The following IP6K1 variants were observed in gnomAD, a reference collection of about 807,000 sequenced individuals.
IP6K1 encodes inositol hexakisphosphate kinase 1.
Under a neutral mutation model 38.3 loss-of-function variants are expected in IP6K1, and 13 were observed. The ratio of observed to expected loss-of-function variants is 0.34; its 90% CI spans 0.22 to 0.54. IP6K1 has a LOEUF of 0.54. IP6K1 is among the 20% of genes least tolerant of loss of function. The pLI, the probability that IP6K1 is intolerant of heterozygous loss-of-function variation, is 0.92. For synonymous variants in IP6K1, 212 were observed against 229.9 expected, an observed-to-expected ratio of 0.92 and a Z score of 0.70; for missense variants, 397 against 599.8, an observed-to-expected ratio of 0.66 and a Z score of 3.53.
intron 1 of IP6K1, among the ~76,000 whole-genome samples, chr3:49,773,174 T>C (rs1005808269): frequency 6.6e-6 from 1 of 152,194 alleles, no homozygotes; most frequent in Non-Finnish European, 1.5e-5. Context: ...AAAGTAATAC[T>C]GTAAACAGTC....
rs1337480670 is a variant in IP6K1 at position 49,738,119 on chromosome 3, C to A, written c.434+93G>T. 4.1e-5 allele frequency: 43 copies of A among 1,039,418 alleles called. No homozygotes were observed. In the South Asian group the frequency reaches 5.7e-4, roughly 14 times the overall value. The allele number at this position is 1,039,418 out of a possible 1,614,324, so 64.4% of individuals were successfully genotyped here. A position where few individuals can be genotyped will look rare whatever the true frequency, so the allele number is the denominator to read the frequency against. On this transcript the variant is annotated intron_variant, in intron 3 of 5. Transcript: ENST00000321599. ...CAAGAACACCAGTCATCTTATCCAA[C>A]CTTGACTGTGAGCCCTGCTTCCCCA...
intron 1 of IP6K1, among the ~76,000 whole-genome samples, chr3:49,774,421 A>AG (rs1178691206): frequency 1.3e-5 from 2 of 148,462 alleles, no homozygotes; most frequent in African/African-American, 5.2e-5. Context: ...AAAAAAAAAA[A>AG]AAAAAAAAGA....
chr3:49,750,523 C>G (rs993724895), intron 1 of IP6K1, among the ~76,000 whole-genome samples: 18 of 151,898 alleles, frequency 1.2e-4, no homozygotes, highest in African/African-American at 4.4e-4. Context: ...GGCGAAACCC[C>G]GTCTCTTCTA....
Position 49,751,487 on chromosome 3 carries a change from T to C in IP6K1, c.-128-3319A>G, listed in dbSNP as rs545695573. On this transcript the variant is annotated intron_variant, in intron 1 of 5. Coordinates refer to ENST00000321599, the MANE Select transcript of IP6K1 (RefSeq NM_153273.4). The stretch of plus-strand genomic sequence containing the variant: ...GACTTTTTTTTTTATCAACCAGAGG[T>C]TACTCCTGAAGTCTGGTGTCCACAG... Among the ~76,000 whole-genome samples the C allele has an allele frequency of 2.0e-5, 3 of 151,944 alleles. No homozygotes were observed. The South Asian group carries it at 6.3e-4, about 32-fold the overall frequency.
At chr3:49,784,848 G>A (rs989986649) in intron 1 of IP6K1, among the ~76,000 whole-genome samples, 2 of 152,070 alleles carry the variant, frequency 1.3e-5, no homozygotes, top group Non-Finnish European at 1.5e-5. Flanking sequence ...GGGAGGCTGA[G>A]GCAGGAAAAT....
intron 4 of IP6K1, among the ~76,000 whole-genome samples, chr3:49,728,684 T>C (rs986018051): frequency 7.2e-5 from 11 of 151,908 alleles, no homozygotes; most frequent in African/African-American, 2.7e-4. Flanking sequence ...CAAGCTATTC[T>C]CCTGCCTCGG....
Position 49,747,811 on chromosome 3 carries a change from G to A in IP6K1, c.223+7C>T, listed in dbSNP as rs377039680. 32 of 1,613,934 alleles carry A rather than the reference G, an allele frequency of 2.0e-5. No individual in the cohort carries two copies. Among genetic ancestry groups the A allele is most frequent in the Middle Eastern group, 3.3e-4 (2 of 6,080 alleles). ...TGCTGCTTTCATTAAACTGGCCAGT[G>A]ACTGACCTTTGTATTCAGGGGTGAA... On this transcript the variant is annotated splice_region_variant and intron_variant, in intron 2 of 5. Transcript: ENST00000321599.
At chr3:49,777,640 C>T (rs574508351) in intron 1 of IP6K1, among the ~76,000 whole-genome samples, 2 of 151,920 alleles carry the variant, frequency 1.3e-5, no homozygotes, top group East Asian at 3.9e-4. Context: ...AAGGGCCAGG[C>T]GTGGTGGCTC....
At chr3:49,747,672 C>T in intron 2 of IP6K1, 146 bp downstream of exon 2, 1 of 1,023,472 alleles carries the variant, frequency 9.8e-7, no homozygotes, top group Admixed American at 2.7e-5. Context: ...TGCTTTCAGC[C>T]TCTAATTTTA....
chr3:49,759,864 C>A (rs2080853761), intron 1 of IP6K1, among the ~76,000 whole-genome samples: 1 of 152,192 alleles, frequency 6.6e-6, no homozygotes, highest in African/African-American at 2.4e-5. Context: ...AGATTAGATT[C>A]CAGCTGTCTT....
In IP6K1 at chr3:49,728,247, G is replaced by T. The variant is rs1262630437; in HGVS notation, c.648C>A (p.His216Gln). ...KFLLLENVVHHFKYPCVLDLK... is the reference protein window; with the variant it reads ...KFLLLENVVHQFKYPCVLDLK... Reference sequence around the variant, plus strand: ...GGTCCAACACGCAGGGGTACTTGAAGTGGTGCACCACGTTCTCAAGCAGGA... The same window carrying T: ...GGTCCAACACGCAGGGGTACTTGAATTGGTGCACCACGTTCTCAAGCAGGA... Residue 216 changes from histidine (H) to glutamine (Q), a missense_variant, in exon 5 of 6, where the codon CAC becomes CAA. Transcript: ENST00000321599. The T allele has an allele frequency of 3.7e-6, 6 of 1,614,000 alleles. No individual in the cohort carries two copies. Among genetic ancestry groups the T allele is most frequent in the Non-Finnish European group, 5.1e-6 (6 of 1,180,012 alleles).
intron 3 of IP6K1, among the ~76,000 whole-genome samples, chr3:49,737,855 T>TGCAG (rs1374855841): frequency 6.6e-6 from 1 of 152,226 alleles, no homozygotes; most frequent in African/African-American, 2.4e-5. Context: ...TTGGACATCC[T>TGCAG]GCAGGTCAGA....
At chr3:49,758,206 C>A (rs867163892) in intron 1 of IP6K1, among the ~76,000 whole-genome samples, 2 of 149,042 alleles carry the variant, frequency 1.3e-5, no homozygotes, top group South Asian at 2.1e-4. Flanking sequence ...CCCAGCTACT[C>A]GACAGGCTGA....
At chr3:49,742,692 A>C (rs1291727942) in intron 2 of IP6K1, among the ~76,000 whole-genome samples, 1 of 152,052 alleles carries the variant, frequency 6.6e-6, no homozygotes, top group East Asian at 1.9e-4. Flanking sequence ...TAAGCTTAGA[A>C]GTTTGAGACC....
intron 1 of IP6K1, among the ~76,000 whole-genome samples, chr3:49,766,285 C>T (rs969581141): frequency 6.6e-6 from 1 of 152,042 alleles, no homozygotes; most frequent in Non-Finnish European, 1.5e-5. Flanking sequence ...GGGAGAATCA[C>T]TTGAGCCCAA....
chr3:49,750,354 T>C lies in IP6K1; in HGVS notation c.-128-2186A>G, dbSNP rs140309781. On this transcript the variant is annotated intron_variant, in intron 1 of 5. Coordinates refer to ENST00000321599, the MANE Select transcript of IP6K1 (RefSeq NM_153273.4). Reference sequence around the variant, plus strand: ...GAGTCATTGGGTGGCTGGGAAAAGATAGGGGTCACAGTGCCAGGTGACCCA... The same window carrying C: ...GAGTCATTGGGTGGCTGGGAAAAGACAGGGGTCACAGTGCCAGGTGACCCA... Among the ~76,000 whole-genome samples, 5 of 152,252 alleles carry C rather than the reference T, an allele frequency of 3.3e-5. No individual in the cohort carries two copies. The East Asian group carries it at 7.7e-4, about 24-fold the overall frequency.
intron 3 of IP6K1, among the ~76,000 whole-genome samples, chr3:49,735,442 A>G (rs1387463272): frequency 6.6e-6 from 1 of 152,200 alleles, no homozygotes; most frequent in African/African-American, 2.4e-5. Context: ...CTTGGGGAAC[A>G]TTCTTTGTCA....
Position 49,727,734 on chromosome 3 carries a change from G to C in IP6K1, c.793-79C>G, listed in dbSNP as rs2080522127. 1.4e-6 allele frequency: 2 copies of C among 1,459,968 alleles called. No individual in the cohort carries two copies. The highest frequency in any genetic ancestry group is 1.9e-6 in the Non-Finnish European group (2 of 1,076,910). The allele number at this position is 1,459,968 out of a possible 1,614,324, so 90.4% of individuals were successfully genotyped here. A position where few individuals can be genotyped will look rare whatever the true frequency, so the allele number is the denominator to read the frequency against. ...CAGTGCCCTGGGCAAACACTGTCTG[G>C]AAGGGACTTTGACCAACCTGAGCTT... On this transcript the variant is annotated intron_variant, in intron 5 of 5. Transcript: ENST00000321599. This position sits in a 1 kb window ranked among gnomAD's most constrained non-coding sequence, Gnocchi z 5.9.
intron 1 of IP6K1, among the ~76,000 whole-genome samples, chr3:49,760,878 C>T (rs1399371506): frequency 1.3e-5 from 2 of 152,166 alleles, no homozygotes; most frequent in Non-Finnish European, 2.9e-5. Context: ...TGCCAATTCA[C>T]CTATTTTCCC....
Sources: gnomAD v4.1 joint callset for allele counts (sites outside exome capture counted in the v4.1 genomes callset) on GRCh38, gnomAD v4.1.1 for gene constraint, Gnocchi (gnomAD v3.1) non-coding constraint, MANE v1.5 for transcripts, NCBI Gene and HGNC (gene_info 2026-07-23, HGNC 2026-07-21) for gene names.